MARF1: variants seen among roughly 807,000 people sequenced by gnomAD.
MARF1 encodes the protein meiosis regulator and mRNA stability factor 1, also known as limkain-b1.
MARF1 carries 24 observed loss-of-function variants against 168.2 expected under a neutral mutation model. The observed-to-expected ratio is 0.14, with a 90% CI of 0.10 to 0.20. The LOEUF is 0.20. Among genes scored for constraint, MARF1 ranks in the 10% least tolerant of loss-of-function variants. MARF1 has a pLI of 1.00. For missense variants in MARF1, 1,744 were observed against 2,143.6 expected (o/e 0.81, Z 3.68); for synonymous variants, 868 against 822.4 (o/e 1.06, Z -0.95).
At chr16:15,622,177 T>G (rs1018351137) in intron 11 of MARF1, among the ~76,000 whole-genome samples, 2 of 151,252 alleles carry the variant, frequency 1.3e-5, no homozygotes. Context: ...ATGGGAAGAG[T>G]GTTTGGGGTC....
At position 15,612,846 on chromosome 16, in the gene MARF1, C is replaced by A. The variant is rs957828823; in HGVS notation, c.3254-69G>T. The stretch of plus-strand genomic sequence containing the variant: ...ACCAGCTGAAAGAAGGGAAAATGGC[C>A]CTGCAGTCCCTGGCTTGAGTTCGAT... On this transcript the variant is annotated intron_variant, in intron 16 of 26. Transcript: ENST00000396368. 5.1e-5 allele frequency: 66 copies of A among 1,299,684 alleles called. No individual in the cohort carries two copies. The Admixed American group carries it at 5.8e-4, about 11-fold the overall frequency. 80.5% of individuals were successfully genotyped at this position (1,299,684 alleles called of 1,614,324 possible).
intron 25 of MARF1, among the ~76,000 whole-genome samples, chr16:15,599,464 C>T (rs1367335023): frequency 4.6e-5 from 7 of 152,158 alleles, no homozygotes; most frequent in East Asian, 1.9e-4. Context: ...TCCGAGCCTC[C>T]GCTGCACAAC....
chr16:15,624,662 T>C, intron 10 of MARF1, 107 bp downstream of exon 10: 2 of 1,062,494 alleles, frequency 1.9e-6, no homozygotes, highest in Non-Finnish European at 2.8e-6. Flanking sequence ...ATGGGAGACT[T>C]ACTTTGTGCA....
intron 7 of MARF1, among the ~76,000 whole-genome samples, chr16:15,628,797 T>C (rs887257070): frequency 2.0e-5 from 3 of 152,300 alleles, no homozygotes; most frequent in Admixed American, 2.0e-4. Context: ...ACACTTTTCC[T>C]ATTACACCTG....
chr16:15,630,233 C>T, intron 7 of MARF1, 99 bp downstream of exon 7: 1 of 1,075,784 alleles, frequency 9.3e-7, no homozygotes. Flanking sequence ...TTACAAAGAA[C>T]AGCCCCATCT....
chr16:15,633,579 C>G lies in MARF1; in HGVS notation c.1233+38G>C, dbSNP rs1182398903. 4.3e-6 allele frequency: 6 copies of G among 1,382,726 alleles called. No individual in the cohort carries two copies. In the African/African-American group the frequency reaches 4.7e-5, roughly 11 times the overall value. 85.7% of individuals were successfully genotyped at this position (1,382,726 alleles called of 1,614,324 possible). On this transcript the variant is annotated intron_variant, in intron 5 of 26. Transcript: ENST00000396368. ...AACAAACAAATATCTGCTTATTCCT[C>G]TACTGTAGATTAAAATTATTAAATT...
chr16:15,600,917 C>T (rs539873131), intron 23 of MARF1: 11 of 702,204 alleles, frequency 1.6e-5, no homozygotes, highest in Non-Finnish European at 2.9e-5. Context: ...GTTCAAAAAT[C>T]ATGAGACACA....
intron 7 of MARF1, among the ~76,000 whole-genome samples, chr16:15,627,820 AAGTC>A (rs2034977055): frequency 6.6e-6 from 1 of 152,208 alleles, no homozygotes; most frequent in African/African-American, 2.4e-5. Context: ...TAAAGATTAA[AAGTC>A]AATTATAAGA....
chr16:15,642,608 G>C (rs1407542133), intron 1 of MARF1: 1 of 151,568 alleles, frequency 6.6e-6, no homozygotes, highest in African/African-American at 2.4e-5. Flanking sequence ...TCAACCCTGA[G>C]ACTACACCCT....
Position 15,596,944 on chromosome 16 carries a change from A to G in MARF1, c.4985-7T>C. 1.3e-6 allele frequency: 2 copies of G among 1,592,908 alleles called. No individual in the cohort carries two copies. Among genetic ancestry groups the G allele is most frequent in the Admixed American group, 1.7e-5 (1 of 58,888 alleles). On this transcript the variant is annotated splice_polypyrimidine_tract_variant and splice_region_variant and intron_variant, in intron 26 of 26. Transcript: ENST00000396368. The stretch of plus-strand genomic sequence containing the variant: ...TGGTTTAAAATCATAATTTCTGTAA[A>G]CACAGAAAAGCAAACAGATTCAGAT...
chr16:15,603,167 T>C (rs2032676081), intron 22 of MARF1, among the ~76,000 whole-genome samples: 1 of 152,234 alleles, frequency 6.6e-6, no homozygotes, highest in South Asian at 2.1e-4. Flanking sequence ...TAATGATGTG[T>C]CCCACAGTTA....
At chr16:15,606,332 C>T (rs927527882) in intron 21 of MARF1, among the ~76,000 whole-genome samples, 4 of 152,162 alleles carry the variant, frequency 2.6e-5, no homozygotes, top group Admixed American at 1.3e-4. Context: ...CATCGGTAAA[C>T]TCCCACCTTG....
Position 15,604,505 on chromosome 16 carries a change from T to A in MARF1, c.4183-107A>T, listed in dbSNP as rs1210895036. The A allele has an allele frequency of 7.0e-6, 5 of 718,112 alleles. No individual in the cohort carries two copies. In the East Asian group the frequency reaches 1.1e-4, roughly 15 times the overall value. 44.5% of individuals were successfully genotyped at this position (718,112 alleles called of 1,614,324 possible). On this transcript the variant is annotated intron_variant, in intron 21 of 26. Coordinates refer to ENST00000396368, the MANE Select transcript of MARF1 (RefSeq NM_014647.4). ...GTTAATGAGACCAACAGATGAAAAA[T>A]CTCTAATTTTTTTCTCTTACACTGA...
rs1442971605 is a variant in MARF1 at position 15,596,807 on chromosome 16, T to C, written c.5115A>G (p.Glu1705=). 6.2e-7 allele frequency: 1 copy of C among 1,614,020 alleles called. No individual in the cohort carries two copies. Residue 1705 remains glutamate, a synonymous_variant, in exon 27 of 27, where the codon GAA becomes GAG. Transcript: ENST00000396368. ...AVPVPPCPSS[E]TSESLLSKDP... is the part of the protein sequence containing the mutation. The stretch of plus-strand genomic sequence containing the variant: ...CCTTGCTGAGCAGTGACTCGGAGGT[T>C]TCCGAGGAGGGGCAGGGAGGCACGG...
At chr16:15,616,153 G>A in intron 15 of MARF1, 148 bp from the exon 16 acceptor site, 1 of 586,476 alleles carries the variant, frequency 1.7e-6, no homozygotes, top group Admixed American at 4.1e-5. Flanking sequence ...TAAAATTAAG[G>A]ACCCAGGGAG....
chr16:15,597,327 G>A (rs1396386312), intron 26 of MARF1, among the ~76,000 whole-genome samples: 1 of 152,236 alleles, frequency 6.6e-6, no homozygotes, highest in African/African-American at 2.4e-5. Flanking sequence ...GGGTGGTAGG[G>A]GGTGGGGTCG....
intron 10 of MARF1, 145 bp downstream of exon 10, chr16:15,624,624 T>C (rs906570538): frequency 1.5e-5 from 11 of 736,604 alleles, no homozygotes; most frequent in African/African-American, 1.1e-4. Flanking sequence ...GATGATTACC[T>C]GAGGAGAGGG....
rs183619211 is a variant in MARF1, at chr16:15,594,931, T to C, written c.*1762A>G. Reference sequence around the variant, plus strand: ...GTTCCAGGTGACTTGTAATGATACCTCTTACGGTTTTAAAGTCCACCACTC... The same window carrying C: ...GTTCCAGGTGACTTGTAATGATACCCCTTACGGTTTTAAAGTCCACCACTC... On this transcript the variant is annotated 3_prime_UTR_variant, in exon 27 of 27. Transcript: ENST00000396368. The C allele has an allele frequency of 3.3e-4, 51 of 152,752 alleles. No individual in the cohort carries two copies. The highest frequency in any genetic ancestry group is 1.2e-3 in the African/African-American group (49 of 41,570). The allele number at this position is 152,752 out of a possible 1,614,324, so 9.5% of individuals were successfully genotyped here. A position where few individuals can be genotyped will look rare whatever the true frequency, so the allele number is the denominator to read the frequency against.
intron 24 of MARF1, 26 bp downstream of exon 24, chr16:15,600,615 G>A (rs373932991): frequency 1.9e-6 from 3 of 1,613,962 alleles, no homozygotes; most frequent in African/African-American, 1.3e-5. Context: ...ATTTTTTAAG[G>A]GGGGAGGGGA....
Sources: gnomAD v4.1 joint callset for allele counts (sites outside exome capture counted in the v4.1 genomes callset) on GRCh38, gnomAD v4.1.1 for gene constraint, MANE v1.5 for transcripts, NCBI Gene and HGNC (gene_info 2026-07-23, HGNC 2026-07-21) for gene names.